The following ASZ1 variants were observed in gnomAD, a reference collection of about 807,000 sequenced individuals.
ASZ1 encodes the protein ankyrin repeat, SAM and basic leucine zipper domain containing 1.
Under a neutral mutation model 61.8 loss-of-function variants are expected in ASZ1, and 67 were observed. The ratio of observed to expected loss-of-function variants is 1.08; its 90% confidence interval spans 0.89 to 1.33. The LOEUF is 1.33. Among genes scored for constraint, ASZ1 ranks in the 40% most tolerant of loss-of-function variants. ASZ1 has a pLI of 0.00. For synonymous variants in ASZ1, 193 were observed against 192.7 expected, an observed-to-expected ratio of 1.00 and a Z score of -0.01; for missense variants, 577 against 554.5, an observed-to-expected ratio of 1.04 and a Z score of -0.41.
At chr7:117,413,684 T>A (rs1284715450) in intron 4 of ASZ1, among the ~76,000 whole-genome samples, 1 of 151,868 alleles carries the variant, frequency 6.6e-6, no homozygotes, top group African/African-American at 2.4e-5. Flanking sequence ...AGAAAAATAA[T>A]AAAAGAACAA....
chr7:117,363,524 A>T lies in ASZ1; in HGVS notation c.*72T>A. On this transcript the variant is annotated 3_prime_UTR_variant, in exon 13 of 13. Transcript: ENST00000284629. Reference sequence around the variant, plus strand: ...AGAATGTAAAGTTATATTGTGCTGCAAACAGTTAAAAGCAATGATTTTTGG... The same window carrying T: ...AGAATGTAAAGTTATATTGTGCTGCTAACAGTTAAAAGCAATGATTTTTGG... The T allele has an allele frequency of 7.9e-7, 1 of 1,258,096 alleles. No homozygotes were observed. Among genetic ancestry groups the T allele is most frequent in the Non-Finnish European group, 1.1e-6 (1 of 951,930 alleles). 77.9% of individuals were successfully genotyped at this position (1,258,096 alleles called of 1,614,324 possible).
intron 4 of ASZ1, among the ~76,000 whole-genome samples, chr7:117,406,273 A>T (rs1717953858): frequency 6.6e-6 from 1 of 152,266 alleles, no homozygotes; most frequent in South Asian, 2.1e-4. Flanking sequence ...GCTTTGAAAC[A>T]AAAACACAGT....
intron 7 of ASZ1, among the ~76,000 whole-genome samples, 185 bp from the exon 8 acceptor site, chr7:117,382,329 G>A (rs1313271355): frequency 1.3e-5 from 2 of 152,078 alleles, no homozygotes; most frequent in South Asian, 4.1e-4. Flanking sequence ...AGATATATGA[G>A]GAGTATAACT....
chr7:117,403,392 C>T (rs758280333), intron 4 of ASZ1, among the ~76,000 whole-genome samples: 6 of 152,124 alleles, frequency 3.9e-5, no homozygotes, highest in African/African-American at 4.8e-5. Context: ...ATCATGCCCC[C>T]AAGCCCCACT....
Position 117,422,219 on chromosome 7 carries a change from T to C in ASZ1, c.328+18A>G, listed in dbSNP as rs1797110730. 2 of 1,605,306 alleles carry C rather than the reference T, an allele frequency of 1.2e-6. No individual in the cohort carries two copies. Among genetic ancestry groups the C allele is most frequent in the African/African-American group, 2.7e-5 (2 of 74,378 alleles). On this transcript the variant is annotated intron_variant, in intron 3 of 12. Transcript: ENST00000284629. Reference sequence around the variant, plus strand: ...ATCACAGTAAGCATAATCATTTAAGTTATCTAAAACATCTTACCCTTCTCA... The same window carrying C: ...ATCACAGTAAGCATAATCATTTAAGCTATCTAAAACATCTTACCCTTCTCA...
intron 4 of ASZ1, among the ~76,000 whole-genome samples, chr7:117,389,962 G>A (rs1426728950): frequency 1.3e-5 from 2 of 152,150 alleles, no homozygotes; most frequent in African/African-American, 4.8e-5. Context: ...ACGGATAAGT[G>A]AGAACATGTG....
intron 2 of ASZ1, among the ~76,000 whole-genome samples, chr7:117,424,541 A>G (rs1047768026): frequency 6.6e-6 from 1 of 152,170 alleles, no homozygotes. Context: ...CTAAAAACAA[A>G]TTTCAAATGG....
At chr7:117,369,058 A>AT (rs1414942096) in intron 10 of ASZ1, among the ~76,000 whole-genome samples, 2 of 152,114 alleles carry the variant, frequency 1.3e-5, no homozygotes, top group Non-Finnish European at 1.5e-5. Context: ...ATTTCTTTTG[A>AT]TTTTTCCTAA....
chr7:117,391,794 T>C (rs1213440534), intron 4 of ASZ1, among the ~76,000 whole-genome samples: 2 of 150,166 alleles, frequency 1.3e-5, no homozygotes, highest in East Asian at 3.9e-4. Context: ...GGTTTCATAT[T>C]TTTTTTTCTT....
intron 10 of ASZ1, among the ~76,000 whole-genome samples, chr7:117,376,630 G>T (rs751706432): frequency 6.6e-6 from 1 of 152,062 alleles, no homozygotes; most frequent in Non-Finnish European, 1.5e-5. Context: ...ATGCAAGGTT[G>T]GCTCAATAGT....
intron 10 of ASZ1, among the ~76,000 whole-genome samples, 188 bp from the exon 11 acceptor site, chr7:117,368,905 G>A (rs181146096): frequency 1.8e-4 from 28 of 152,204 alleles, no homozygotes; most frequent in African/African-American, 6.0e-4. Context: ...CTCCAATCCC[G>A]AGGATCTTAA....
At chr7:117,371,193 G>A (rs1017039842) in intron 10 of ASZ1, among the ~76,000 whole-genome samples, 8 of 152,022 alleles carry the variant, frequency 5.3e-5, no homozygotes, top group African/African-American at 1.9e-4. Context: ...ACTATACAAA[G>A]TTTCTTACAC....
intron 4 of ASZ1, among the ~76,000 whole-genome samples, chr7:117,391,522 T>A (rs1158488825): frequency 1.3e-5 from 2 of 152,202 alleles, no homozygotes; most frequent in Non-Finnish European, 2.9e-5. Flanking sequence ...CTTCTGCATG[T>A]GGGTATCCGG....
At chr7:117,396,590 C>T (rs1019461595) in intron 4 of ASZ1, among the ~76,000 whole-genome samples, 2 of 152,082 alleles carry the variant, frequency 1.3e-5, no homozygotes, top group African/African-American at 4.8e-5. Flanking sequence ...AATATTGAAC[C>T]ATTTTTGTAT....
Position 117,427,453 on chromosome 7 carries a change from G to T in ASZ1, c.8C>A (p.Ala3Glu). The T allele has an allele frequency of 6.2e-7, 1 of 1,613,720 alleles. No homozygotes were observed. The highest frequency in any genetic ancestry group is 8.5e-7 in the Non-Finnish European group (1 of 1,179,856). ...CACTGGCAGGCCTCGCAGCGCGCTC[G>T]CCGCCATGCCAGCCAAGGAAGCTCC... is the stretch of plus-strand genomic sequence containing the variant. Reference protein sequence around the residue: MAASALRGLPVAG... With the variant: MAESALRGLPVAG... Residue 3 changes from alanine to glutamate, a missense_variant, in exon 1 of 13, where the codon GCG becomes GAG. Coordinates refer to ENST00000284629, the MANE Select transcript of ASZ1 (RefSeq NM_130768.3).
chr7:117,394,221 C>T (rs1796534092), intron 4 of ASZ1, among the ~76,000 whole-genome samples: 1 of 152,142 alleles, frequency 6.6e-6, no homozygotes. Flanking sequence ...CCTTCCACCT[C>T]AGCCTCCCGA....
At position 117,382,834 on chromosome 7, in the gene ASZ1, A is replaced by T. The variant is rs532814762; in HGVS notation, c.812+152T>A. ...TAAAAATGAATAAAAATTTTCTAAAATTCTGGAGAACACTAAAAACCCAGA... is the reference window on the plus strand; with the variant it reads ...TAAAAATGAATAAAAATTTTCTAAATTTCTGGAGAACACTAAAAACCCAGA... On this transcript the variant is annotated intron_variant, in intron 7 of 12. Coordinates refer to ENST00000284629, the MANE Select transcript of ASZ1 (RefSeq NM_130768.3). The T allele has an allele frequency of 7.8e-6, 7 of 893,384 alleles. No homozygotes were observed. The South Asian group carries it at 2.1e-4, about 27-fold the overall frequency. 55.3% of individuals were successfully genotyped at this position (893,384 alleles called of 1,614,324 possible). A position where few individuals can be genotyped will look rare whatever the true frequency, so the allele number is the denominator to read the frequency against.
intron 4 of ASZ1, among the ~76,000 whole-genome samples, chr7:117,395,185 C>A (rs1380281425): frequency 6.6e-6 from 1 of 152,094 alleles, no homozygotes; most frequent in African/African-American, 2.4e-5. Context: ...CTTTGGCGAG[C>A]GACTCTTTTT....
chr7:117,422,397 C>A (rs1392746618), intron 2 of ASZ1, 38 bp from the exon 3 acceptor site: 3 of 1,598,010 alleles, frequency 1.9e-6, no homozygotes, highest in Admixed American at 1.8e-5. Context: ...AGCACACTAC[C>A]ACCAAAGAAA....
Sources: gnomAD v4.1 joint callset for allele counts (sites outside exome capture counted in the v4.1 genomes callset) on GRCh38, gnomAD v4.1.1 for gene constraint, MANE v1.5 for transcripts, NCBI Gene and HGNC (gene_info 2026-07-23, HGNC 2026-07-21) for gene names.